Variants in NALF1 observed in about 807,000 individuals in gnomAD.
NALF1 encodes the protein NALCN channel auxiliary factor 1.
A neutral mutation model predicts 48.4 loss-of-function variants in NALF1; 3 were observed. That is an observed-to-expected ratio of 0.06 (90% CI 0.03 to 0.16). NALF1 has a LOEUF of 0.16. Ranked by LOEUF, NALF1 falls within the 10% of genes least tolerant of loss-of-function variation. The pLI is 1.00. For synonymous variants in NALF1, 262 were observed against 245.7 expected, an observed-to-expected ratio of 1.07 and a Z score of -0.62; for missense variants, 526 against 571.5, an observed-to-expected ratio of 0.92 and a Z score of 0.81.
intron 1 of NALF1, among the ~76,000 whole-genome samples, chr13:107,322,262 G>A (rs1021057630): frequency 5.3e-5 from 8 of 152,000 alleles, no homozygotes; most frequent in African/African-American, 1.5e-4. Context: ...TACATGTAAC[G>A]TGGATAAATC....
intron 1 of NALF1, among the ~76,000 whole-genome samples, chr13:107,679,271 C>G (rs1235738694): frequency 6.6e-6 from 1 of 152,044 alleles, no homozygotes; most frequent in Non-Finnish European, 1.5e-5. Context: ...AAAACATTTT[C>G]TTAAGTTTTT....
chr13:107,490,810 G>C (rs975031922), intron 1 of NALF1, among the ~76,000 whole-genome samples: 4 of 152,028 alleles, frequency 2.6e-5, no homozygotes, highest in Admixed American at 6.6e-5. Flanking sequence ...TATAAGAAAT[G>C]ATGAATAATA....
At chr13:107,858,308 A>G (rs1278866691) in intron 1 of NALF1, among the ~76,000 whole-genome samples, 1 of 152,252 alleles carries the variant, frequency 6.6e-6, no homozygotes. Context: ...TATTATAATA[A>G]TGTCTTAATT....
intron 1 of NALF1, among the ~76,000 whole-genome samples, chr13:107,605,065 C>T (rs987321544): frequency 6.6e-6 from 1 of 151,988 alleles, no homozygotes; most frequent in African/African-American, 2.4e-5. Context: ...TGTCCCAGGG[C>T]GCAGAACAAT....
intron 1 of NALF1, among the ~76,000 whole-genome samples, chr13:107,350,739 G>C (rs1882858488): frequency 6.6e-6 from 1 of 152,090 alleles, no homozygotes. Flanking sequence ...TTAGGCTATT[G>C]CAGTGGTTCT....
chr13:107,798,026 T>C (rs1256918471), intron 1 of NALF1, among the ~76,000 whole-genome samples: 1 of 152,194 alleles, frequency 6.6e-6, no homozygotes, highest in Non-Finnish European at 1.5e-5. Context: ...AAGCAGATTG[T>C]ATTCAGGTAT....
At chr13:107,865,594 A>AT (rs1234316349) in intron 1 of NALF1, 88 bp downstream of exon 1, 2 of 1,510,490 alleles carry the variant, frequency 1.3e-6, no homozygotes, top group African/African-American at 2.8e-5. Flanking sequence ...CCATAGCCAA[A>AT]AAATAATAAT....
At chr13:107,629,987 ATCTG>A (rs1469780905) in intron 1 of NALF1, among the ~76,000 whole-genome samples, 1 of 152,070 alleles carries the variant, frequency 6.6e-6, no homozygotes, top group Non-Finnish European at 1.5e-5. Context: ...TCGATCATTC[ATCTG>A]TCTATTTGTC....
At chr13:107,645,680 CAAA>C (rs56187783) in intron 1 of NALF1, among the ~76,000 whole-genome samples, 4 of 132,500 alleles carry the variant, frequency 3.0e-5, no homozygotes, top group African/African-American at 1.2e-4. Flanking sequence ...TACTGGGAGA[CAAA>C]AAAAAAAAAA....
At chr13:107,385,552 C>CAAAAAAAAAAAAAAAAAAAAAAAA (rs201307018) in intron 1 of NALF1, among the ~76,000 whole-genome samples, 10 of 118,290 alleles carry the variant, frequency 8.5e-5, no homozygotes, top group African/African-American at 2.3e-4. Flanking sequence ...GATTCCATCT[C>CAAAAAAAAAAAAAAAAAAAAAAAA]AAAAAAAAAA....
intron 1 of NALF1, among the ~76,000 whole-genome samples, chr13:107,567,143 AT>A (rs1877836052): frequency 2.0e-5 from 3 of 152,220 alleles, no homozygotes; most frequent in Non-Finnish European, 4.4e-5. Context: ...CTTATATGTG[AT>A]AACGTAGTTA....
chr13:107,743,568 A>AT (rs1351548255), intron 1 of NALF1, among the ~76,000 whole-genome samples: 2 of 152,366 alleles, frequency 1.3e-5, no homozygotes, highest in East Asian at 3.9e-4. Flanking sequence ...AGAAACATGC[A>AT]TTATATACAC....
chr13:107,613,342 G>A (rs573637177), intron 1 of NALF1, among the ~76,000 whole-genome samples: 122 of 152,250 alleles, frequency 8.0e-4, no homozygotes, highest in African/African-American at 1.3e-3. Context: ...GCAGGTAGGC[G>A]GCCTCCGCAA....
At chr13:107,205,722 T>C (rs930776447) in intron 2 of NALF1, among the ~76,000 whole-genome samples, 9 of 152,200 alleles carry the variant, frequency 5.9e-5, no homozygotes, top group Non-Finnish European at 1.0e-4. Flanking sequence ...CTTTTATTCC[T>C]TCAATAATTT....
chr13:107,433,842 C>T (rs748450035), intron 1 of NALF1, among the ~76,000 whole-genome samples: 5 of 152,128 alleles, frequency 3.3e-5, no homozygotes, highest in Non-Finnish European at 2.9e-5. Context: ...ACAGACCCAT[C>T]TCAAGAAACA....
At chr13:107,685,589 G>T (rs1259133220) in intron 1 of NALF1, among the ~76,000 whole-genome samples, 1 of 152,190 alleles carries the variant, frequency 6.6e-6, no homozygotes, top group Non-Finnish European at 1.5e-5. Flanking sequence ...CAGAATGCTA[G>T]TAACTTGAAA....
At chr13:107,288,219 CTTTT>C (rs375800659) in intron 1 of NALF1, among the ~76,000 whole-genome samples, 1 of 125,150 alleles carries the variant, frequency 8.0e-6, no homozygotes, top group Non-Finnish European at 1.7e-5. Flanking sequence ...GATCTGAAGA[CTTTT>C]TTTTTTTTTT....
At chr13:107,344,690 A>G (rs891934808) in intron 1 of NALF1, among the ~76,000 whole-genome samples, 12 of 152,284 alleles carry the variant, frequency 7.9e-5, no homozygotes, top group African/African-American at 2.9e-4. Context: ...TAACATAATA[A>G]AGGTCATATA....
At chr13:107,548,333 T>C (rs1400687049) in intron 1 of NALF1, among the ~76,000 whole-genome samples, 1 of 152,184 alleles carries the variant, frequency 6.6e-6, no homozygotes, top group African/African-American at 2.4e-5. Context: ...CAGTATTCCA[T>C]GGTGTATATG....
Sources: allele counts gnomAD v4.1 joint callset (sites outside exome capture counted in the v4.1 genomes callset), GRCh38; gene constraint gnomAD v4.1.1; transcripts MANE v1.5; gene names NCBI Gene and HGNC (gene_info 2026-07-23, HGNC 2026-07-21).